Variants in BOC observed in about 807,000 individuals in gnomAD.
BOC encodes BOC cell adhesion associated, oncogene regulated.
Under a neutral mutation model 112.0 loss-of-function variants are expected in BOC, and 76 were observed. The observed-to-expected ratio is 0.68, with a 90% CI of 0.56 to 0.82. The LOEUF (loss-of-function observed/expected upper bound fraction) is 0.82, where lower values mean the gene tolerates loss of function less well. Among genes scored for constraint, BOC ranks in the 40% least tolerant of loss-of-function variants. The pLI, the probability that BOC is intolerant of heterozygous loss-of-function variation, is 0.00. For synonymous variants in BOC, 580 were observed against 599.8 expected, an observed-to-expected ratio of 0.97 and a Z score of 0.48; for missense variants, 1,309 against 1,511.7, an observed-to-expected ratio of 0.87 and a Z score of 2.22.
intron 2 of BOC, among the ~76,000 whole-genome samples, chr3:113,232,351 T>C (rs916430603): frequency 6.6e-6 from 1 of 152,134 alleles, no homozygotes. Context: ...GATTTCCAAA[T>C]TGATATTTAT....
At chr3:113,279,607 G>A in intron 12 of BOC, 152 bp downstream of exon 12, 1 of 852,794 alleles carries the variant, frequency 1.2e-6, no homozygotes, top group African/African-American at 1.7e-5. Flanking sequence ...GTTTACCACA[G>A]TCCTAAAGCC....
Position 113,250,826 on chromosome 3 carries a change from A to G in BOC, c.369A>G (p.Thr123=), listed in dbSNP as rs771497982. 1 of 1,613,258 alleles carries G rather than the reference A, an allele frequency of 6.2e-7. No individual in the cohort carries two copies. The highest frequency in any genetic ancestry group is 1.3e-5 in the African/African-American group (1 of 75,028). ...GAVASVPATV[T]LANLQDFKLD... ...TGGCCAGCGTGCCAGCCACTGTGAC[A>G]CTAGCCAGTGAGTCTGCTCCTTTGC... is the stretch of plus-strand genomic sequence containing the variant. The change falls in exon 4 of 20, where the codon ACA becomes ACG. Residue 123 remains threonine, a synonymous_variant. Coordinates refer to ENST00000682979, the MANE Select transcript of BOC (RefSeq NM_001378074.1).
chr3:113,222,891 G>T (rs1940990713), intron 2 of BOC, among the ~76,000 whole-genome samples: 1 of 152,236 alleles, frequency 6.6e-6, no homozygotes. Flanking sequence ...TTTTAAAACA[G>T]TTTAGTTCCC....
intron 2 of BOC, among the ~76,000 whole-genome samples, chr3:113,247,559 G>A (rs889405206): frequency 1.3e-5 from 2 of 151,270 alleles, no homozygotes; most frequent in African/African-American, 2.4e-5. Context: ...ACAGAGTTTG[G>A]GAATCAGCCT....
At chr3:113,264,020 A>G (rs1947181581) in intron 4 of BOC, among the ~76,000 whole-genome samples, 1 of 152,258 alleles carries the variant, frequency 6.6e-6, no homozygotes, top group Admixed American at 6.5e-5. Context: ...GAAGTGATGT[A>G]TCAGAGTGTA....
chr3:113,244,055 G>A (rs1344665565), intron 2 of BOC, among the ~76,000 whole-genome samples: 2 of 152,102 alleles, frequency 1.3e-5, no homozygotes, highest in Non-Finnish European at 2.9e-5. Context: ...TCTCTTAACC[G>A]CCATGGCCCA....
At chr3:113,276,363 G>T (rs1576488070) in intron 9 of BOC, among the ~76,000 whole-genome samples, 1 of 152,214 alleles carries the variant, frequency 6.6e-6, no homozygotes, top group East Asian at 1.9e-4. Context: ...TTCATTTCTG[G>T]GCCCAGTGGA....
At chr3:113,277,692 C>T (rs1364731305) in intron 9 of BOC, among the ~76,000 whole-genome samples, 3 of 152,242 alleles carry the variant, frequency 2.0e-5, no homozygotes, top group Non-Finnish European at 4.4e-5. Flanking sequence ...TTACCTTTCT[C>T]ATCATTGTGT....
At chr3:113,243,343 G>T (rs1025643812) in intron 2 of BOC, among the ~76,000 whole-genome samples, 2 of 152,128 alleles carry the variant, frequency 1.3e-5, no homozygotes, top group African/African-American at 4.8e-5. Context: ...ATAATTAACA[G>T]TCAAGCAGAC....
chr3:113,234,399 C>T (rs578105011), intron 2 of BOC, among the ~76,000 whole-genome samples: 2 of 152,206 alleles, frequency 1.3e-5, no homozygotes, highest in South Asian at 2.1e-4. Flanking sequence ...GTGTAGGAAC[C>T]TGTGTACATT....
Position 113,274,343 on chromosome 3 carries a change from A to G in BOC, c.1235-32A>G. On this transcript the variant is annotated intron_variant, in intron 8 of 19. Coordinates refer to ENST00000682979, the MANE Select transcript of BOC (RefSeq NM_001378074.1). This position sits in a 1 kb window ranked among gnomAD's most constrained non-coding sequence, Gnocchi z 4.8. ...GCTCAGCAGGTAAACCAGGAGACTA[A>G]CCTTTCCTTCTGCTTCCTGTTGGTC... is the stretch of plus-strand genomic sequence containing the variant. The G allele has an allele frequency of 1.3e-6, 2 of 1,486,780 alleles. No individual in the cohort carries two copies. The highest frequency in any genetic ancestry group is 1.8e-6 in the Non-Finnish European group (2 of 1,120,894). 92.1% of individuals were successfully genotyped at this position (1,486,780 alleles called of 1,614,324 possible).
At position 113,213,421 on chromosome 3, in the gene BOC, G is replaced by A. The variant is rs867790420; in HGVS notation, c.-170+1405G>A. Among the ~76,000 whole-genome samples the A allele has an allele frequency of 8.5e-5, 13 of 152,262 alleles. No homozygotes were observed. In the Middle Eastern group the frequency reaches 0.017, roughly 199 times the overall value. On this transcript the variant is annotated intron_variant, in intron 1 of 19. Transcript: ENST00000682979. ...TGCAGACATTTCTGATTTATTCCACGACTGGGTCTTAAACAGGCAGCCCAG... is the reference window on the plus strand; with the variant it reads ...TGCAGACATTTCTGATTTATTCCACAACTGGGTCTTAAACAGGCAGCCCAG...
chr3:113,221,882 C>T (rs776910028), intron 2 of BOC, among the ~76,000 whole-genome samples: 10 of 152,300 alleles, frequency 6.6e-5, no homozygotes, highest in African/African-American at 2.4e-4. Context: ...TCCCTTCCCC[C>T]CTTGCCTACT....
At chr3:113,263,963 G>A (rs538597067) in intron 4 of BOC, among the ~76,000 whole-genome samples, 80 of 152,292 alleles carry the variant, frequency 5.3e-4, no homozygotes, top group African/African-American at 1.9e-3. Context: ...ATCACATGAT[G>A]TGTGTCTGAA....
At chr3:113,259,897 G>T (rs1296165612) in intron 4 of BOC, among the ~76,000 whole-genome samples, 2 of 152,144 alleles carry the variant, frequency 1.3e-5, no homozygotes, top group African/African-American at 4.8e-5. Context: ...CCCTCAGCTG[G>T]CAGCATCTTC....
intron 15 of BOC, 58 bp downstream of exon 15, chr3:113,281,211 T>G: frequency 6.3e-7 from 1 of 1,599,130 alleles, no homozygotes; most frequent in Non-Finnish European, 8.5e-7. Flanking sequence ...GAAGGCAGAG[T>G]CACCATTCCC....
intron 18 of BOC, 28 bp from the exon 19 acceptor site, chr3:113,285,344 C>T: frequency 6.2e-7 from 1 of 1,608,418 alleles, no homozygotes. Context: ...CCCAGCCCCA[C>T]CTCCCCATCT....
At chr3:113,235,724 A>G (rs1435110685) in intron 2 of BOC, among the ~76,000 whole-genome samples, 1 of 152,178 alleles carries the variant, frequency 6.6e-6, no homozygotes, top group Non-Finnish European at 1.5e-5. Context: ...TTCTCCATGG[A>G]TCCCTATTCC....
chr3:113,236,300 A>ACCCATGGG (rs1379900195), intron 2 of BOC, among the ~76,000 whole-genome samples: 4 of 122,712 alleles, frequency 3.3e-5, no homozygotes, highest in Non-Finnish European at 5.4e-5. Flanking sequence ...ATATATATAT[A>ACCCATGGG]TATATATATA....
Sources: allele counts gnomAD v4.1 joint callset (sites outside exome capture counted in the v4.1 genomes callset), GRCh38; gene constraint gnomAD v4.1.1; non-coding constraint Gnocchi (gnomAD v3.1); transcripts MANE v1.5; gene names NCBI Gene and HGNC (gene_info 2026-07-23, HGNC 2026-07-21).